The following GABRR1 variants were observed in gnomAD, a reference collection of about 807,000 sequenced individuals.
The protein encoded by GABRR1 is gamma-aminobutyric acid receptor subunit rho-1.
GABRR1 carries 59 observed loss-of-function variants against 55.5 expected under a neutral mutation model. The ratio of observed to expected loss-of-function variants is 1.06; its 90% CI spans 0.86 to 1.32. The LOEUF is 1.32. Ranked by LOEUF, GABRR1 falls within the 40% of genes most tolerant of loss-of-function variation. The pLI is 0.00. For missense variants in GABRR1, 602 were observed against 619.1 expected (o/e 0.97, Z 0.29); for synonymous variants, 213 against 226.0 (o/e 0.94, Z 0.51).
intron 8 of GABRR1, among the ~76,000 whole-genome samples, chr6:89,180,927 G>A (rs922011891): frequency 1.3e-5 from 2 of 152,186 alleles, no homozygotes; most frequent in Non-Finnish European, 2.9e-5. Flanking sequence ...GTGCAGTCCT[G>A]TTGTCCTGGG....
At chr6:89,225,150 A>T (rs1444113637) in intron 1 of GABRR1, among the ~76,000 whole-genome samples, 1 of 152,090 alleles carries the variant, frequency 6.6e-6, no homozygotes. Flanking sequence ...TGATTTTTAT[A>T]TAAGGTGAGT....
intron 1 of GABRR1, among the ~76,000 whole-genome samples, chr6:89,208,123 C>T (rs188800043): frequency 2.6e-5 from 4 of 152,340 alleles, no homozygotes; most frequent in East Asian, 3.9e-4. Flanking sequence ...AGGTTCCCTG[C>T]CAGAGCTGCA....
Position 89,224,471 on chromosome 6 carries a change from T to C in GABRR1, c.-410-3025A>G, listed in dbSNP as rs528018834. Among the ~76,000 whole-genome samples, 8 of 152,320 alleles carry C rather than the reference T, an allele frequency of 5.3e-5. No individual in the cohort carries two copies. The East Asian group carries it at 1.5e-3, about 29-fold the overall frequency. On this transcript the variant is annotated intron_variant, in intron 1 of 11. Transcript: ENST00000369451. ...TTCATGTTTGTTGGCCATTTGTATG[T>C]CTTCTTTTGAGAATCATCTATTCAC...
At chr6:89,207,311 C>G (rs1169040598) in intron 1 of GABRR1, among the ~76,000 whole-genome samples, 1 of 152,148 alleles carries the variant, frequency 6.6e-6, no homozygotes, top group Non-Finnish European at 1.5e-5. Context: ...CCTCCCACCT[C>G]AGCTTCCTGA....
chr6:89,195,764 T>C (rs1772247781), intron 5 of GABRR1, among the ~76,000 whole-genome samples: 1 of 152,220 alleles, frequency 6.6e-6, no homozygotes, highest in Non-Finnish European at 1.5e-5. Flanking sequence ...TTTACACTTA[T>C]TGCATCTGTA....
At chr6:89,182,566 A>G (rs1241177834) in intron 7 of GABRR1, among the ~76,000 whole-genome samples, 1 of 152,202 alleles carries the variant, frequency 6.6e-6, no homozygotes, top group East Asian at 1.9e-4. Context: ...CTGAGATTAC[A>G]GGTATGAACT....
chr6:89,184,451 C>G (rs954384048), intron 7 of GABRR1, among the ~76,000 whole-genome samples: 4 of 152,132 alleles, frequency 2.6e-5, no homozygotes, highest in East Asian at 3.9e-4. Context: ...CTGTCCCAAC[C>G]CTTGGTTCAA....
chr6:89,199,578 T>TA lies in GABRR1; in HGVS notation c.281-150dup, dbSNP rs1456623448. ...TGGCAACCTGAAGTCAAACCAGAGA[T>TA]AAAAGCATGGAATCATAGGCTGGCT... On this transcript the variant is annotated intron_variant, in intron 3 of 9. Coordinates refer to ENST00000454853, the MANE Select transcript of GABRR1 (RefSeq NM_002042.5). 126 of 659,110 alleles carry TA rather than the reference T, an allele frequency of 1.9e-4. No homozygotes were observed. In the East Asian group the frequency reaches 3.5e-3, roughly 18 times the overall value. The allele number at this position is 659,110 out of a possible 1,614,324, so 40.8% of individuals were successfully genotyped here.
Position 89,210,339 on chromosome 6 carries a change from G to A in GABRR1, c.123-6854C>T, listed in dbSNP as rs60458059. Among the ~76,000 whole-genome samples the A allele has an allele frequency of 5.1e-3, 777 of 151,926 alleles. 9 individuals carry two copies. Among genetic ancestry groups the A allele is most frequent in the African/African-American group, 0.018 (736 of 41,418 alleles). The stretch of plus-strand genomic sequence containing the variant: ...CTCCCGAGTAGCTAGGACCACAGGT[G>A]TGTGCCACCACACCTGGCTAATTTT... On this transcript the variant is annotated intron_variant, in intron 1 of 9. Transcript: ENST00000454853.
In GABRR1 at chr6:89,208,309, G is replaced by A. The variant is rs562078825; in HGVS notation, c.123-4824C>T. On this transcript the variant is annotated intron_variant, in intron 1 of 9. Transcript: ENST00000454853. Reference sequence around the variant, plus strand: ...AGTTGAGCATTTTGTATTTTTCCTTGGCTGTAAATATTAAATAGTTCATTT... The same window carrying A: ...AGTTGAGCATTTTGTATTTTTCCTTAGCTGTAAATATTAAATAGTTCATTT... Among the ~76,000 whole-genome samples the A allele has an allele frequency of 1.0e-3, 155 of 152,200 alleles. 1 individual carries two copies. Among genetic ancestry groups the A allele is most frequent in the African/African-American group, 3.7e-3 (152 of 41,532 alleles).
chr6:89,197,756 C>T (rs1430516462), intron 5 of GABRR1, among the ~76,000 whole-genome samples: 1 of 152,152 alleles, frequency 6.6e-6, no homozygotes, highest in Admixed American at 6.5e-5. Flanking sequence ...ATTTCTCTGA[C>T]TCCTACTAGA....
intron 1 of GABRR1, chr6:89,204,748 A>G: frequency 1.1e-6 from 1 of 898,098 alleles, no homozygotes; most frequent in Non-Finnish European, 1.5e-6. Context: ...TTTCATTATT[A>G]ATATTATTAG....
chr6:89,196,814 G>T (rs1438480326), intron 5 of GABRR1, among the ~76,000 whole-genome samples: 2 of 84,348 alleles, frequency 2.4e-5, no homozygotes, highest in Non-Finnish European at 4.9e-5. Flanking sequence ...AAGAAAGAAA[G>T]AAAAGAAGGA....
intron 6 of GABRR1, among the ~76,000 whole-genome samples, chr6:89,189,042 C>CTGTG (rs71913424): frequency 0.13 from 19,558 of 147,462 alleles, 1,530 homozygotes; most frequent in Admixed American, 0.23. Context: ...GAACTCATGT[C>CTGTG]TGTGTGTGTG....
At chr6:89,188,346 C>T (rs1771977930) in intron 6 of GABRR1, among the ~76,000 whole-genome samples, 1 of 152,104 alleles carries the variant, frequency 6.6e-6, no homozygotes, top group East Asian at 1.9e-4. Context: ...TTTTGAGGAG[C>T]TGTTTTCCCC....
chr6:89,203,389 C>G (rs4590241), intron 2 of GABRR1, 46 bp downstream of exon 2: 1,037,502 of 1,545,476 alleles, frequency 0.67, 351,072 homozygotes, highest in East Asian at 0.91. Flanking sequence ...TTGAGGTTCA[C>G]GGAGGAAACA....
rs555029847 is a variant in GABRR1 at position 89,214,976 on chromosome 6, G to A, written c.122+2225C>T. Among the ~76,000 whole-genome samples the A allele has an allele frequency of 6.6e-5, 10 of 152,160 alleles. No homozygotes were observed. In the South Asian group the frequency reaches 2.1e-3, roughly 32 times the overall value. On this transcript the variant is annotated intron_variant, in intron 1 of 9. Coordinates refer to ENST00000454853, the MANE Select transcript of GABRR1 (RefSeq NM_002042.5). ...CATTACAATCCAGTTTAGGTAACAG[G>A]GCAAGACTCTGTCTCTAAAACAAAC...
intron 1 of GABRR1, among the ~76,000 whole-genome samples, chr6:89,206,819 T>C (rs535143017): frequency 2.2e-4 from 33 of 152,092 alleles, no homozygotes; most frequent in South Asian, 1.0e-3. Flanking sequence ...GGTTTCACTA[T>C]GTTGCCCAAG....
chr6:89,197,253 T>A (rs1436910408), intron 5 of GABRR1, among the ~76,000 whole-genome samples: 1 of 152,184 alleles, frequency 6.6e-6, no homozygotes, highest in Admixed American at 6.5e-5. Context: ...TTACCATTCA[T>A]CAGCACGGAA....
Sources: allele counts gnomAD v4.1 joint callset (sites outside exome capture counted in the v4.1 genomes callset), GRCh38; gene constraint gnomAD v4.1.1; transcripts MANE v1.5; gene names NCBI Gene and HGNC (gene_info 2026-07-23, HGNC 2026-07-21).